The following MAML2 variants were observed in gnomAD, a reference collection of about 807,000 sequenced individuals.
MAML2 encodes the protein mastermind like transcriptional coactivator 2.
MAML2 carries 22 observed loss-of-function variants against 96.1 expected under a neutral mutation model. The ratio of observed to expected loss-of-function variants is 0.23; its 90% CI spans 0.16 to 0.33. The LOEUF (loss-of-function observed/expected upper bound fraction) is 0.33. MAML2 is among the 10% of genes least tolerant of loss of function. The probability of loss-of-function intolerance (pLI) is 1.00; values close to 1 mark genes in which losing one functional copy is unlikely to be tolerated. For synonymous variants in MAML2, 561 were observed against 521.3 expected (o/e 1.08, Z -1.04); for missense variants, 1,367 against 1,392.4 (o/e 0.98, Z 0.29).
At chr11:96,331,752 C>T (rs140162446) in intron 1 of MAML2, among the ~76,000 whole-genome samples, 7 of 144,464 alleles carry the variant, frequency 4.8e-5, no homozygotes, top group Non-Finnish European at 1.0e-4. Flanking sequence ...CAGGAGGCGG[C>T]GGTTGCAGTG....
At chr11:96,301,649 T>C (rs1241576317) in intron 1 of MAML2, among the ~76,000 whole-genome samples, 3 of 152,228 alleles carry the variant, frequency 2.0e-5, no homozygotes, top group South Asian at 2.1e-4. Context: ...TCCTATCTTA[T>C]GTGATACATC....
chr11:96,109,337 G>T (rs1291011662), intron 1 of MAML2, among the ~76,000 whole-genome samples: 1 of 152,154 alleles, frequency 6.6e-6, no homozygotes, highest in Non-Finnish European at 1.5e-5. Context: ...TCGTGGGTAG[G>T]CATTAGTGGA....
At position 96,060,780 on chromosome 11, in the gene MAML2, T is replaced by A. The variant is rs190272712; in HGVS notation, c.2139+31112A>T. On this transcript the variant is annotated intron_variant, in intron 2 of 4. Transcript: ENST00000524717. ...CCTCTTTAAAATCACTGCCAAGTTTTAGTTTATTAGATGGTAGTCTTGTGG... is the reference window on the plus strand; with the variant it reads ...CCTCTTTAAAATCACTGCCAAGTTTAAGTTTATTAGATGGTAGTCTTGTGG... Among the ~76,000 whole-genome samples the A allele has an allele frequency of 3.9e-4, 60 of 152,366 alleles. 1 individual carries two copies. In the East Asian group the frequency reaches 9.8e-3, roughly 25 times the overall value.
chr11:96,253,699 T>C (rs927664982), intron 1 of MAML2, among the ~76,000 whole-genome samples: 1 of 152,216 alleles, frequency 6.6e-6, no homozygotes, highest in Admixed American at 6.5e-5. Context: ...ATGTTTTAAA[T>C]GATTCATATT....
At chr11:96,189,469 A>G (rs1190530220) in intron 1 of MAML2, among the ~76,000 whole-genome samples, 2 of 152,208 alleles carry the variant, frequency 1.3e-5, no homozygotes, top group Non-Finnish European at 2.9e-5. Context: ...CTTAAACACT[A>G]TTGCGGGATA....
chr11:96,033,336 GTCTTA>G (rs1362617523), intron 2 of MAML2, among the ~76,000 whole-genome samples: 2 of 152,082 alleles, frequency 1.3e-5, no homozygotes, highest in Non-Finnish European at 2.9e-5. Context: ...TTCCTTCTCT[GTCTTA>G]TCTTCTTAGG....
chr11:96,024,730 T>A (rs1858488374), intron 2 of MAML2, among the ~76,000 whole-genome samples: 1 of 152,198 alleles, frequency 6.6e-6, no homozygotes, highest in African/African-American at 2.4e-5. Context: ...CTTACAGAAC[T>A]TCTCGGAACG....
intron 1 of MAML2, among the ~76,000 whole-genome samples, chr11:96,286,061 C>T (rs993998699): frequency 6.6e-6 from 1 of 152,144 alleles, no homozygotes; most frequent in Non-Finnish European, 1.5e-5. Flanking sequence ...ATAGCAAAGA[C>T]ATGGAATTAA....
chr11:96,341,295 A>G, intron 1 of MAML2, 88 bp downstream of exon 1: 2 of 1,405,118 alleles, frequency 1.4e-6, no homozygotes, highest in East Asian at 5.0e-5. Flanking sequence ...TTTCATTGCC[A>G]TCCACTCTAC....
At position 96,023,354 on chromosome 11, in the gene MAML2, C is replaced by A. The variant is rs77800027; in HGVS notation, c.2140-31631G>T. Among the ~76,000 whole-genome samples, 1,062 of 152,262 alleles carry A rather than the reference C, an allele frequency of 7.0e-3. 8 individuals carry two copies. Among genetic ancestry groups the A allele is most frequent in the Non-Finnish European group, 0.011 (741 of 68,002 alleles). On this transcript the variant is annotated intron_variant, in intron 2 of 4. Transcript: ENST00000524717. Reference sequence around the variant, plus strand: ...GGGTAGTCTTGAGGCCTCTGGAGGACCTCCTTTTTCTTATATTAATTCCCA... The same window carrying A: ...GGGTAGTCTTGAGGCCTCTGGAGGAACTCCTTTTTCTTATATTAATTCCCA...
chr11:96,044,997 GCCTACAC>G (rs1858873275), intron 2 of MAML2, among the ~76,000 whole-genome samples: 1 of 152,052 alleles, frequency 6.6e-6, no homozygotes, highest in African/African-American at 2.4e-5. Context: ...TGGAGGTTTT[GCCTACAC>G]AAGAGCACTT....
At chr11:96,090,851 C>G (rs1859692350) in intron 2 of MAML2, among the ~76,000 whole-genome samples, 1 of 152,162 alleles carries the variant, frequency 6.6e-6, no homozygotes, top group Non-Finnish European at 1.5e-5. Context: ...GCCACGAAAA[C>G]TACTCTAGGA....
At chr11:96,121,564 G>C (rs1028685758) in intron 1 of MAML2, among the ~76,000 whole-genome samples, 13 of 151,792 alleles carry the variant, frequency 8.6e-5, no homozygotes, top group African/African-American at 3.1e-4. Context: ...TTAAATTTCA[G>C]CTTATCAAAG....
chr11:96,230,604 T>C (rs1461895244), intron 1 of MAML2, among the ~76,000 whole-genome samples: 2 of 152,228 alleles, frequency 1.3e-5, no homozygotes, highest in Non-Finnish European at 2.9e-5. Context: ...TTTACTAAAA[T>C]GTATGTAGGG....
intron 1 of MAML2, among the ~76,000 whole-genome samples, chr11:96,235,291 A>G (rs530021221): frequency 1.3e-4 from 20 of 152,312 alleles, no homozygotes; most frequent in African/African-American, 4.3e-4. Context: ...TTATTGGAAC[A>G]TAGACACACT....
intron 2 of MAML2, among the ~76,000 whole-genome samples, chr11:96,091,402 A>G (rs1283446226): frequency 6.6e-6 from 1 of 152,186 alleles, no homozygotes; most frequent in African/African-American, 2.4e-5. Context: ...GAGTCATCGC[A>G]GGATCATTAT....
intron 2 of MAML2, among the ~76,000 whole-genome samples, chr11:96,059,561 T>C (rs1193416793): frequency 6.6e-6 from 1 of 152,192 alleles, no homozygotes; most frequent in Non-Finnish European, 1.5e-5. Flanking sequence ...GTATCCCTTA[T>C]CTGAAATACT....
rs113211518 is a variant in MAML2, at chr11:96,339,050, T to G, written c.513+2333A>C. ...TAGCAGCTAAAATGGAGAGGGAATT[T>G]CCAACAACCCGTGCAATGCCACATA... On this transcript the variant is annotated intron_variant, in intron 1 of 4. Transcript: ENST00000524717. Among the ~76,000 whole-genome samples the G allele has an allele frequency of 3.0e-3, 460 of 152,206 alleles. 3 individuals are homozygous for G. The highest frequency in any genetic ancestry group is 0.01 in the African/African-American group (424 of 41,516).
chr11:96,057,984 G>T (rs1413494171), intron 2 of MAML2, among the ~76,000 whole-genome samples: 1 of 152,130 alleles, frequency 6.6e-6, no homozygotes, highest in Admixed American at 6.6e-5. Flanking sequence ...GTCCTTTCAT[G>T]AACTCTTCTA....
Sources: allele counts gnomAD v4.1 joint callset (sites outside exome capture counted in the v4.1 genomes callset), GRCh38; gene constraint gnomAD v4.1.1; transcripts MANE v1.5; gene names NCBI Gene and HGNC (gene_info 2026-07-23, HGNC 2026-07-21).